Variants in FBXL13 observed in about 807,000 individuals in gnomAD.
The protein encoded by FBXL13 is F-box and leucine rich repeat protein 13, also known as F-box and leucine-rich repeat protein 13.
FBXL13 carries 67 observed loss-of-function variants against 83.6 expected under a neutral mutation model. The ratio of observed to expected loss-of-function variants is 0.80; its 90% CI spans 0.66 to 0.98. The LOEUF (loss-of-function observed/expected upper bound fraction) is 0.98, where lower values mean the gene tolerates loss of function less well. Ranked by LOEUF, FBXL13 falls within the 50% of genes least tolerant of loss-of-function variation. The pLI, the probability that FBXL13 is intolerant of heterozygous loss-of-function variation, is 0.00. For missense variants in FBXL13, 822 were observed against 866.5 expected (o/e 0.95, Z 0.64); for synonymous variants, 272 against 299.5 (o/e 0.91, Z 0.95).
intron 11 of FBXL13, among the ~76,000 whole-genome samples, chr7:102,907,180 C>T (rs1813892795): frequency 6.6e-6 from 1 of 152,058 alleles, no homozygotes; most frequent in Non-Finnish European, 1.5e-5. Context: ...ACCATGTTGG[C>T]CAGGCTGTGT....
intron 11 of FBXL13, among the ~76,000 whole-genome samples, chr7:102,899,534 G>A (rs1235841514): frequency 6.6e-6 from 1 of 152,154 alleles, no homozygotes; most frequent in Admixed American, 6.5e-5. Context: ...CAAACTCAGG[G>A]AGCACAGAAT....
intron 8 of FBXL13, 30 bp from the exon 10 acceptor site, chr7:102,931,963 C>G (rs1413246720): frequency 1.9e-6 from 3 of 1,600,618 alleles, no homozygotes; most frequent in African/African-American, 2.7e-5. Flanking sequence ...CGTCACTAAA[C>G]TACATATTGC....
At position 103,056,132 on chromosome 7, in the gene FBXL13, T is replaced by G. The variant is rs1797309078; in HGVS notation, c.-104-385A>C. On this transcript the variant is annotated intron_variant, in intron 1 of 19. Coordinates refer to ENST00000313221, the Ensembl canonical transcript of FBXL13. Reference sequence around the variant, plus strand: ...TTTTCCATTCCTGAGTTACTTCACTTAGAATAATGGTCTCCAGTTCCATCC... The same window carrying G: ...TTTTCCATTCCTGAGTTACTTCACTGAGAATAATGGTCTCCAGTTCCATCC... Among the ~76,000 whole-genome samples, 4 of 152,206 alleles carry G rather than the reference T, an allele frequency of 2.6e-5. No homozygotes were observed. In the South Asian group the frequency reaches 8.3e-4, roughly 31 times the overall value.
At chr7:103,029,262 C>T (rs1794258140) in intron 3 of FBXL13, 89 bp downstream of exon 4, 1 of 721,030 alleles carries the variant, frequency 1.4e-6, no homozygotes, top group Non-Finnish European at 2.3e-6. Flanking sequence ...AAAATCAGCA[C>T]AACTGGCCAA....
In FBXL13 at chr7:102,994,420, C is replaced by T. The variant is rs546071164; in HGVS notation, c.496-26303G>A. Among the ~76,000 whole-genome samples the T allele has an allele frequency of 1.0e-4, 11 of 105,328 alleles. No homozygotes were observed. In the South Asian group the frequency reaches 3.4e-3, roughly 32 times the overall value. The allele number at this position is 105,328 out of a possible 152,430, so 69.1% of individuals were successfully genotyped here. On this transcript the variant is annotated intron_variant, in intron 6 of 19. Transcript: ENST00000313221. ...ATATATTCTATTTCTTTAGAATTCT[C>T]CAAGAGGAAAAAAAAAAGATATAGA... is the stretch of plus-strand genomic sequence containing the variant.
At chr7:102,897,651 C>T (rs907556781) in intron 11 of FBXL13, among the ~76,000 whole-genome samples, 4 of 152,008 alleles carry the variant, frequency 2.6e-5, no homozygotes, top group Non-Finnish European at 4.4e-5. Flanking sequence ...AATAGAAATC[C>T]CTGGTTATGT....
intron 6 of FBXL13, among the ~76,000 whole-genome samples, chr7:103,015,250 A>G (rs1254380579): frequency 6.6e-6 from 1 of 152,250 alleles, no homozygotes; most frequent in Non-Finnish European, 1.5e-5. Flanking sequence ...TGAATGGGCA[A>G]AAGCTGAAGG....
At chr7:102,938,926 A>C (rs1209074433) in intron 8 of FBXL13, among the ~76,000 whole-genome samples, 1 of 152,166 alleles carries the variant, frequency 6.6e-6, no homozygotes, top group Non-Finnish European at 1.5e-5. Flanking sequence ...TCTGCAGTTT[A>C]TATTCTTTTT....
chr7:102,945,125 CAT>C, intron 8 of FBXL13, among the ~76,000 whole-genome samples: 1 of 152,172 alleles, frequency 6.6e-6, no homozygotes, highest in Admixed American at 6.5e-5. Flanking sequence ...GGTCCTGATA[CAT>C]CCAAATTCTC....
intron 1 of FBXL13, among the ~76,000 whole-genome samples, chr7:103,067,860 T>A (rs187250104): frequency 1.3e-5 from 2 of 152,320 alleles, no homozygotes; most frequent in Non-Finnish European, 2.9e-5. Flanking sequence ...ACAATAATGA[T>A]GAACCAAGGA....
At chr7:103,066,062 G>A (rs1158987285) in intron 1 of FBXL13, among the ~76,000 whole-genome samples, 1 of 152,224 alleles carries the variant, frequency 6.6e-6, no homozygotes, top group East Asian at 1.9e-4. Flanking sequence ...CTAGCCCAAA[G>A]CAATGCCAAG....
chr7:102,886,646 G>A (rs951956270), intron 11 of FBXL13, among the ~76,000 whole-genome samples: 1 of 152,056 alleles, frequency 6.6e-6, no homozygotes, highest in South Asian at 2.1e-4. Flanking sequence ...TCCCAGCATG[G>A]TGCCTATAAC....
intron 2 of FBXL13, chr7:103,055,158 G>T (rs553799757): frequency 1.6e-6 from 2 of 1,288,420 alleles, no homozygotes; most frequent in Middle Eastern, 2.1e-4. Context: ...TGGTTTCATT[G>T]ATGGAGTAAT....
At chr7:102,911,381 G>A (rs941799407) in intron 11 of FBXL13, among the ~76,000 whole-genome samples, 1 of 152,182 alleles carries the variant, frequency 6.6e-6, no homozygotes, top group African/African-American at 2.4e-5. Flanking sequence ...GCACAACGGC[G>A]AGTTAGAAAA....
At chr7:102,938,468 A>G (rs1820750510) in intron 8 of FBXL13, among the ~76,000 whole-genome samples, 1 of 152,228 alleles carries the variant, frequency 6.6e-6, no homozygotes, top group African/African-American at 2.4e-5. Flanking sequence ...AATTACCTGG[A>G]GAAATTTCCT....
At chr7:102,843,388 A>G (rs1342309875) in intron 17 of FBXL13, among the ~76,000 whole-genome samples, 1 of 152,226 alleles carries the variant, frequency 6.6e-6, no homozygotes, top group Non-Finnish European at 1.5e-5. Flanking sequence ...GGTTGCAGTG[A>G]GCCAACATCG....
intron 17 of FBXL13, among the ~76,000 whole-genome samples, chr7:102,847,930 G>T (rs375169636): frequency 6.6e-6 from 1 of 152,016 alleles, no homozygotes; most frequent in African/African-American, 2.4e-5. Context: ...CACAATTTGG[G>T]TGTAATAAAT....
chr7:102,845,469 G>T (rs1803773462), intron 17 of FBXL13, among the ~76,000 whole-genome samples: 1 of 152,118 alleles, frequency 6.6e-6, no homozygotes, highest in South Asian at 2.1e-4. Flanking sequence ...GAGAAATTTT[G>T]ACAACAGTAA....
At chr7:102,890,615 C>T (rs2129460258) in intron 11 of FBXL13, among the ~76,000 whole-genome samples, 1 of 152,362 alleles carries the variant, frequency 6.6e-6, no homozygotes, top group South Asian at 2.1e-4. Flanking sequence ...GAGCCACATA[C>T]TTACTAAAGA....
Sources: allele counts gnomAD v4.1 joint callset (sites outside exome capture counted in the v4.1 genomes callset), GRCh38; gene constraint gnomAD v4.1.1; transcripts MANE v1.5; gene names NCBI Gene and HGNC (gene_info 2026-07-23, HGNC 2026-07-21).